The following WDR27 variants were observed in gnomAD, a reference collection of about 807,000 sequenced individuals.
WDR27 encodes WD repeat-containing protein 27.
A neutral mutation model predicts 114.4 loss-of-function variants in WDR27; 100 were observed. That is an observed-to-expected ratio of 0.87 (90% CI 0.74 to 1.03). WDR27 has a LOEUF of 1.03. Among genes scored for constraint, WDR27 ranks in the 50% least tolerant of loss-of-function variants. The pLI is 0.00. For synonymous variants in WDR27, 449 were observed against 423.1 expected, an observed-to-expected ratio of 1.06 and a Z score of -0.75; for missense variants, 1,129 against 1,092.9, an observed-to-expected ratio of 1.03 and a Z score of -0.47.
chr6:169,548,294 G>C (rs1411443868), intron 25 of WDR27, among the ~76,000 whole-genome samples: 1 of 152,098 alleles, frequency 6.6e-6, no homozygotes, highest in Non-Finnish European at 1.5e-5. Flanking sequence ...CCAATCAAAA[G>C]TGCAGCTAAT....
intron 2 of WDR27, among the ~76,000 whole-genome samples, chr6:169,673,674 G>A (rs1446601379): frequency 1.3e-5 from 2 of 151,894 alleles, no homozygotes; most frequent in Admixed American, 6.6e-5. Flanking sequence ...AAGGGGCTAC[G>A]GGCACAAAAA....
intron 25 of WDR27, among the ~76,000 whole-genome samples, chr6:169,510,525 G>A (rs1181178894): frequency 8.0e-5 from 12 of 150,676 alleles, no homozygotes; most frequent in Non-Finnish European, 1.3e-4. Flanking sequence ...GCAAACTATC[G>A]CAAGGACAAA....
At chr6:169,446,692 T>G in the WDR27 span, among the ~76,000 whole-genome samples, 1 of 152,360 alleles carries the variant, frequency 6.6e-6, no homozygotes, top group Admixed American at 6.5e-5. Context: ...AATGAAAATT[T>G]TAGCTTGTTC....
At chr6:169,616,777 T>C (rs1280613432) in intron 21 of WDR27, among the ~76,000 whole-genome samples, 1 of 152,084 alleles carries the variant, frequency 6.6e-6, no homozygotes, top group Non-Finnish European at 1.5e-5. Context: ...ATCAATACTA[T>C]ATATGGAGAG....
chr6:169,543,111 G>A (rs973865763), intron 25 of WDR27, among the ~76,000 whole-genome samples: 13 of 151,956 alleles, frequency 8.6e-5, no homozygotes, highest in African/African-American at 3.1e-4. Flanking sequence ...TGGGAAATGT[G>A]TAAATAAAAC....
intron 25 of WDR27, among the ~76,000 whole-genome samples, chr6:169,534,854 T>C (rs1796034949): frequency 6.6e-6 from 1 of 152,006 alleles, no homozygotes; most frequent in Admixed American, 6.6e-5. Flanking sequence ...CATCTGGATA[T>C]ACTAATTTGT....
chr6:169,485,665 C>T (rs1330046538), intron 25 of WDR27, among the ~76,000 whole-genome samples: 3 of 152,154 alleles, frequency 2.0e-5, no homozygotes, highest in African/African-American at 7.2e-5. Context: ...TGGGTATATA[C>T]CCAAAGGAAT....
At chr6:169,643,939 T>A (rs1318348595) in intron 16 of WDR27, among the ~76,000 whole-genome samples, 153 bp from the exon 17 acceptor site, 1 of 151,838 alleles carries the variant, frequency 6.6e-6, no homozygotes, top group Non-Finnish European at 1.5e-5. Flanking sequence ...AGAGTCACAC[T>A]GTAGAAAAGC....
rs372115712 is a variant in WDR27 at position 169,513,187 on chromosome 6, G to A, written c.2646-55553C>T. Among the ~76,000 whole-genome samples the A allele has an allele frequency of 3.9e-5, 6 of 152,210 alleles. No individual in the cohort carries two copies. In the East Asian group the frequency reaches 1.2e-3, roughly 29 times the overall value. ...GGCGGGCTCAGCAGGAATTTCTGGG[G>A]GCACCTAGACAGTCTCCAGCATGGT... On this transcript the variant is annotated intron_variant, in intron 25 of 25. Coordinates refer to ENST00000448612, the MANE Select transcript of WDR27 (RefSeq NM_182552.5).
At chr6:169,446,117 A>T in the WDR27 span, among the ~76,000 whole-genome samples, 2 of 152,258 alleles carry the variant, frequency 1.3e-5, no homozygotes, top group Non-Finnish European at 2.9e-5. Flanking sequence ...GCCCGGACGG[A>T]GGGCGAGCAC....
chr6:169,533,843 G>C lies in WDR27; in HGVS notation c.2645+38576C>G, dbSNP rs1028492892. Among the ~76,000 whole-genome samples the C allele has an allele frequency of 3.4e-3, 512 of 152,180 alleles. 5 individuals are homozygous for C. Among genetic ancestry groups the C allele is most frequent in the African/African-American group, 0.012 (494 of 41,502 alleles). ...TAAGCCTGTGTGTGTGTGTGTGTGTGTGTGTGCACATGTGCACGTGTATGC... is the reference window on the plus strand; with the variant it reads ...TAAGCCTGTGTGTGTGTGTGTGTGTCTGTGTGCACATGTGCACGTGTATGC... On this transcript the variant is annotated intron_variant, in intron 25 of 25. Transcript: ENST00000448612.
At position 169,599,088 on chromosome 6, in the gene WDR27, T is replaced by C. The variant is rs1807411234; in HGVS notation, c.2424+3131A>G. 3.3e-5 allele frequency among the ~76,000 whole-genome samples: 5 copies of C among 152,164 alleles called. 1 individual carries two copies. In the Middle Eastern group the frequency reaches 0.014, roughly 414 times the overall value. On this transcript the variant is annotated intron_variant, in intron 23 of 25. Coordinates refer to ENST00000448612, the MANE Select transcript of WDR27 (RefSeq NM_182552.5). Reference sequence around the variant, plus strand: ...GTGCCATGTTGGTGTGCTGCACCCATTAACTCGTCATTTAACATTAGGTAT... The same window carrying C: ...GTGCCATGTTGGTGTGCTGCACCCACTAACTCGTCATTTAACATTAGGTAT...
At chr6:169,567,190 G>A (rs1398648775) in intron 25 of WDR27, among the ~76,000 whole-genome samples, 1 of 152,186 alleles carries the variant, frequency 6.6e-6, no homozygotes, top group African/African-American at 2.4e-5. Context: ...GACCCGGGAT[G>A]CCACACATCT....
chr6:169,653,283 T>C (rs1251219175), intron 13 of WDR27, among the ~76,000 whole-genome samples: 1 of 152,234 alleles, frequency 6.6e-6, no homozygotes, highest in Non-Finnish European at 1.5e-5. Flanking sequence ...TTACTAGAAA[T>C]GTATATATAC....
At chr6:169,432,104 C>T in the WDR27 span, among the ~76,000 whole-genome samples, 1 of 152,164 alleles carries the variant, frequency 6.6e-6, no homozygotes. Context: ...TGAAAAACAG[C>T]AGTCACACAC....
rs76611446 is a variant in WDR27, at chr6:169,596,368, G to C, written c.2424+5851C>G. ...TTTCCCTATTGTGCTCTCTGTATTT[G>C]CTTTCTATTATATTCCTTTGTATTT... On this transcript the variant is annotated intron_variant, in intron 23 of 25. Coordinates refer to ENST00000448612, the MANE Select transcript of WDR27 (RefSeq NM_182552.5). Among the ~76,000 whole-genome samples the C allele has an allele frequency of 9.6e-3, 1,446 of 151,336 alleles. 7 individuals are homozygous for C. The highest frequency in any genetic ancestry group is 0.014 in the Admixed American group (206 of 15,202).
intron 25 of WDR27, among the ~76,000 whole-genome samples, chr6:169,504,569 C>G (rs941132713): frequency 2.6e-5 from 4 of 152,140 alleles, no homozygotes; most frequent in African/African-American, 9.7e-5. Flanking sequence ...TCAGGTATGT[C>G]TTTATTAGCA....
rs757609889 is a variant in WDR27, at chr6:169,613,551, A to G, written c.2321+8T>C. ...ACCCCTGCAGTGCAGGGCGCAGGAC[A>G]GCCTTACCTCAGGGTTCTCAGGTCC... On this transcript the variant is annotated splice_region_variant and intron_variant, in intron 22 of 25. Transcript: ENST00000448612. 3 of 1,612,446 alleles carry G rather than the reference A, an allele frequency of 1.9e-6. No homozygotes were observed. In the Admixed American group the frequency reaches 5.0e-5, roughly 27 times the overall value.
At chr6:169,690,558 T>C (rs1020316316) in intron 1 of WDR27, among the ~76,000 whole-genome samples, 1 of 151,816 alleles carries the variant, frequency 6.6e-6, no homozygotes, top group African/African-American at 2.4e-5. Flanking sequence ...CCCTACCCCA[T>C]CCACCTCCTT....
Sources: allele counts gnomAD v4.1 joint callset (sites outside exome capture counted in the v4.1 genomes callset), GRCh38; gene constraint gnomAD v4.1.1; transcripts MANE v1.5; gene names NCBI Gene and HGNC (gene_info 2026-07-23, HGNC 2026-07-21).